GNS: variants seen among roughly 807,000 people sequenced by gnomAD.
GNS encodes the protein N-acetylglucosamine-6-sulfatase.
Under a neutral mutation model 69.7 loss-of-function variants are expected in GNS, and 40 were observed. That is an observed-to-expected ratio of 0.57 (90% CI 0.45 to 0.75). The LOEUF (loss-of-function observed/expected upper bound fraction) is 0.75, where lower values mean the gene tolerates loss of function less well. Among genes scored for constraint, GNS ranks in the 30% least tolerant of loss-of-function variants. GNS has a pLI of 0.00. For missense variants in GNS, 565 were observed against 685.5 expected (o/e 0.82, Z 1.96); for synonymous variants, 243 against 251.6 (o/e 0.97, Z 0.32).
At chr12:64,719,922 G>A in intron 13 of GNS, 100 bp downstream of exon 13, 1 of 810,012 alleles carries the variant, frequency 1.2e-6, no homozygotes, top group Non-Finnish European at 2.2e-6. Context: ...TAAAGCAGAA[G>A]AATCATCATC....
intron 1 of GNS, among the ~76,000 whole-genome samples, chr12:64,754,020 AAGGACCAGAG>A (rs1362994810): frequency 1.3e-5 from 2 of 152,266 alleles, no homozygotes; most frequent in Non-Finnish European, 2.9e-5. Context: ...AAGTGGAGAA[AAGGACCAGAG>A]TTGACTGTAT....
intron 1 of GNS, among the ~76,000 whole-genome samples, chr12:64,758,611 C>A (rs1870353412): frequency 6.6e-6 from 1 of 152,136 alleles, no homozygotes; most frequent in Non-Finnish European, 1.5e-5. Flanking sequence ...GAGTGACACA[C>A]CGCGCCCGGC....
chr12:64,719,057 TAATA>T (rs1163556746), intron 13 of GNS, among the ~76,000 whole-genome samples: 1 of 152,218 alleles, frequency 6.6e-6, no homozygotes, highest in East Asian at 1.9e-4. Flanking sequence ...TGATATAAAA[TAATA>T]AATATTATCT....
chr12:64,739,351 A>G, intron 8 of GNS, 30 bp downstream of exon 8: 1 of 1,028,238 alleles, frequency 9.7e-7, no homozygotes, highest in Non-Finnish European at 1.6e-6. Flanking sequence ...ATTCTCAAAG[A>G]TCACAGCAGT....
At chr12:64,732,887 C>A (rs1042806997) in intron 9 of GNS, among the ~76,000 whole-genome samples, 1 of 152,142 alleles carries the variant, frequency 6.6e-6, no homozygotes, top group Non-Finnish European at 1.5e-5. Flanking sequence ...GCGTGAGCCA[C>A]CATGCCCAGA....
chr12:64,756,642 A>T, intron 1 of GNS: 1 of 813,798 alleles, frequency 1.2e-6, no homozygotes, highest in Non-Finnish European at 2.0e-6. Context: ...TGATGACTGA[A>T]GCACAAGTAT....
chr12:64,745,037 T>G, intron 4 of GNS, 130 bp from the exon 5 acceptor site: 2 of 654,924 alleles, frequency 3.1e-6, no homozygotes, highest in Admixed American at 2.3e-5. Flanking sequence ...AAGTCAATAC[T>G]GAATTGGATT....
Position 64,743,319 on chromosome 12 carries a change from A to C in GNS, c.625-11T>G, listed in dbSNP as rs1424622323. On this transcript the variant is annotated splice_polypyrimidine_tract_variant and intron_variant, in intron 5 of 13. Coordinates refer to ENST00000258145, the MANE Select transcript of GNS (RefSeq NM_002076.4). ...CAAGGAGACATTAGCCTGACACATA[A>C]AAAGATTTGTCATCTCCTACCTTAC... 1.5e-5 allele frequency: 24 copies of C among 1,598,964 alleles called. No homozygotes were observed. Among genetic ancestry groups the C allele is most frequent in the Non-Finnish European group, 2.1e-5 (24 of 1,166,334 alleles).
intron 10 of GNS, among the ~76,000 whole-genome samples, chr12:64,724,861 G>A (rs1262032861): frequency 6.6e-6 from 1 of 151,976 alleles, no homozygotes; most frequent in Non-Finnish European, 1.5e-5. Flanking sequence ...ACTCTGTCTC[G>A]GAAAAAACAA....
At chr12:64,742,145 C>A (rs1186919144) in intron 6 of GNS, among the ~76,000 whole-genome samples, 2 of 152,084 alleles carry the variant, frequency 1.3e-5, no homozygotes, top group East Asian at 3.9e-4. Context: ...CTCAGCCTCC[C>A]GAGTAGCTGG....
At chr12:64,756,114 G>A (rs548626745) in intron 1 of GNS, among the ~76,000 whole-genome samples, 1 of 152,258 alleles carries the variant, frequency 6.6e-6, no homozygotes, top group Non-Finnish European at 1.5e-5. Context: ...CAGATACCTG[G>A]AACAAATACA....
intron 1 of GNS, 62 bp downstream of exon 1, chr12:64,759,023 G>A: frequency 7.4e-7 from 1 of 1,353,256 alleles, no homozygotes; most frequent in South Asian, 1.2e-5. Context: ...CCGGGAAAGA[G>A]AGCAACAAAC....
At position 64,747,832 on chromosome 12, in the gene GNS, A is replaced by C; in HGVS notation, c.339T>G (p.Thr113=). ...ACTTACTACTGCAGTTCCCCTCCAG[A>C]GTGTTGTTCACAACGTGATGATTAT... ...YPHNHHVVNN[T]LEGNCSSKSW... is the part of the protein sequence containing the mutation. The change falls in exon 3 of 14, where the codon ACT becomes ACG. Residue 113 remains threonine (T), a synonymous_variant. Transcript: ENST00000258145. 1.2e-6 allele frequency: 2 copies of C among 1,608,076 alleles called. No individual in the cohort carries two copies. The highest frequency in any genetic ancestry group is 1.7e-6 in the Non-Finnish European group (2 of 1,174,642).
intron 13 of GNS, among the ~76,000 whole-genome samples, chr12:64,717,341 T>C (rs1470641784): frequency 6.6e-6 from 1 of 152,046 alleles, no homozygotes; most frequent in Non-Finnish European, 1.5e-5. Flanking sequence ...ACCATAAACA[T>C]GAGTCATTTT....
chr12:64,723,901 T>C (rs1325053490), intron 10 of GNS, among the ~76,000 whole-genome samples: 1 of 152,162 alleles, frequency 6.6e-6, no homozygotes, highest in African/African-American at 2.4e-5. Flanking sequence ...GCTTGTCCTA[T>C]AAAGAACAGC....
intron 12 of GNS, among the ~76,000 whole-genome samples, chr12:64,720,942 A>G (rs925038098): frequency 4.6e-5 from 7 of 152,214 alleles, no homozygotes; most frequent in African/African-American, 1.7e-4. Flanking sequence ...GTTTGAGGAA[A>G]GCTCTCTTGC....
chr12:64,723,105 G>A lies in GNS; in HGVS notation c.1209C>T (p.Ala403=), dbSNP rs1161324845. 1.3e-6 allele frequency: 2 copies of A among 1,596,224 alleles called. No individual in the cohort carries two copies. The highest frequency in any genetic ancestry group is 1.7e-5 in the Admixed American group (1 of 59,978). ...GMSLLPILRG[A]SNLTWRSDVL... ...CATCTGATCGCCAGGTCAAGTTACTGGCACCTCTCTAGAAAGAAGAGCAAG... is the reference window on the plus strand; with the variant it reads ...CATCTGATCGCCAGGTCAAGTTACTAGCACCTCTCTAGAAAGAAGAGCAAG... Residue 403 remains alanine (A), a synonymous_variant, in exon 11 of 14, where the codon GCC becomes GCT. Transcript: ENST00000258145.
chr12:64,747,636 AAAT>A, intron 3 of GNS, 73 bp downstream of exon 3: 6 of 878,218 alleles, frequency 6.8e-6, no homozygotes, highest in Admixed American at 5.7e-5. Context: ...ACATTAATTG[AAAT>A]AATAAAATTA....
chr12:64,750,340 GCC>G (rs1870039610), intron 2 of GNS, among the ~76,000 whole-genome samples: 2 of 152,170 alleles, frequency 1.3e-5, no homozygotes, highest in South Asian at 4.1e-4. Flanking sequence ...GAGCCACCAT[GCC>G]TGGCCCAATG....
Sources: gnomAD v4.1 joint callset for allele counts (sites outside exome capture counted in the v4.1 genomes callset) on GRCh38, gnomAD v4.1.1 for gene constraint, MANE v1.5 for transcripts, NCBI Gene and HGNC (gene_info 2026-07-23, HGNC 2026-07-21) for gene names.